The following GRID2 variants were observed in gnomAD, a reference collection of about 807,000 sequenced individuals.
GRID2 encodes the protein glutamate ionotropic receptor delta type subunit 2.
Under a neutral mutation model 114.8 loss-of-function variants are expected in GRID2, and 33 were observed. That is an observed-to-expected ratio of 0.29 (90% CI 0.22 to 0.38). The LOEUF is 0.38. Ranked by LOEUF, GRID2 falls within the 10% of genes least tolerant of loss-of-function variation. The probability of loss-of-function intolerance (pLI) is 1.00; values close to 1 mark genes in which losing one functional copy is unlikely to be tolerated. For missense variants in GRID2, 1,184 were observed against 1,257.7 expected (o/e 0.94, Z 0.89); for synonymous variants, 505 against 449.9 (o/e 1.12, Z -1.55).
chr4:92,407,245 A>G (rs1421146516), intron 1 of GRID2, among the ~76,000 whole-genome samples: 1 of 152,138 alleles, frequency 6.6e-6, no homozygotes, highest in Non-Finnish European at 1.5e-5. Context: ...TCAAGGTGAT[A>G]TTTGGATGGG....
chr4:93,157,254 G>A (rs781595470), intron 4 of GRID2, among the ~76,000 whole-genome samples: 3 of 151,638 alleles, frequency 2.0e-5, no homozygotes, highest in Non-Finnish European at 4.4e-5. Context: ...CCCTGAAAAT[G>A]TAGGCTCCCC....
At chr4:92,917,163 G>A (rs1748876868) in intron 2 of GRID2, among the ~76,000 whole-genome samples, 1 of 152,152 alleles carries the variant, frequency 6.6e-6, no homozygotes, top group Non-Finnish European at 1.5e-5. Flanking sequence ...GTCTTCTTTT[G>A]AGAAGTGTCT....
chr4:92,724,448 CTA>C (rs939409367), intron 2 of GRID2, among the ~76,000 whole-genome samples: 1 of 152,124 alleles, frequency 6.6e-6, no homozygotes, highest in African/African-American at 2.4e-5. Flanking sequence ...CATTTTAAAA[CTA>C]TTTTTAAAAA....
chr4:92,533,724 CT>C (rs1422516025), intron 1 of GRID2, among the ~76,000 whole-genome samples: 7 of 151,976 alleles, frequency 4.6e-5, no homozygotes, highest in African/African-American at 1.7e-4. Flanking sequence ...GTAGTGTTGC[CT>C]TTTAGGGAAA....
intron 2 of GRID2, among the ~76,000 whole-genome samples, chr4:92,809,048 C>T (rs1740547492): frequency 6.6e-6 from 1 of 151,736 alleles, no homozygotes. Flanking sequence ...GGAAATAGGT[C>T]CATGATTTGA....
intron 2 of GRID2, among the ~76,000 whole-genome samples, chr4:93,038,528 C>T (rs942984558): frequency 5.9e-5 from 9 of 152,028 alleles, no homozygotes; most frequent in African/African-American, 1.4e-4. Flanking sequence ...TGGTGGCTCA[C>T]GCCTGTAATC....
rs574951459 is a variant in GRID2, at chr4:93,061,856, C to A, written c.245-23139C>A. On this transcript the variant is annotated intron_variant, in intron 2 of 15. Transcript: ENST00000282020. ...CATTGAGGTAGACACTACCTGACAG[C>A]TTCTATTCTCCAGTCAAGTGCTTTC... is the stretch of plus-strand genomic sequence containing the variant. 2.6e-5 allele frequency among the ~76,000 whole-genome samples: 4 copies of A among 152,226 alleles called. 1 individual carries two copies. In the South Asian group the frequency reaches 8.3e-4, roughly 32 times the overall value.
intron 11 of GRID2, among the ~76,000 whole-genome samples, chr4:93,485,649 A>G (rs774247900): frequency 5.9e-5 from 9 of 151,770 alleles, no homozygotes; most frequent in Non-Finnish European, 1.3e-4. Context: ...TCTCTATAGT[A>G]CATACTTTAG....
chr4:92,315,993 C>CAAAAAAAAAAAAAAAAAAAAAGAAA (rs1725955898), intron 1 of GRID2, among the ~76,000 whole-genome samples: 3 of 61,896 alleles, frequency 4.8e-5, no homozygotes, highest in African/African-American at 1.8e-4. Context: ...AAACAAAAAG[C>CAAAAAAAAAAAAAAAAAAAAAGAAA]AAAAAAAAAA....
intron 1 of GRID2, among the ~76,000 whole-genome samples, chr4:92,543,898 G>A (rs947452796): frequency 1.3e-5 from 2 of 152,138 alleles, no homozygotes; most frequent in Admixed American, 6.6e-5. Flanking sequence ...TTAACATAGT[G>A]CTTACAGAGT....
At chr4:93,203,376 T>G (rs967124987) in intron 4 of GRID2, among the ~76,000 whole-genome samples, 1 of 152,302 alleles carries the variant, frequency 6.6e-6, no homozygotes, top group Admixed American at 6.5e-5. Flanking sequence ...TAGTTGTGTA[T>G]ATTACATATA....
intron 2 of GRID2, among the ~76,000 whole-genome samples, chr4:92,654,753 A>T (rs564384947): frequency 4.0e-5 from 6 of 148,654 alleles, no homozygotes; most frequent in South Asian, 4.8e-4. Flanking sequence ...ATGGAATTTT[A>T]AAAAAAAATT....
At chr4:92,520,376 A>T (rs1316967607) in intron 1 of GRID2, among the ~76,000 whole-genome samples, 6 of 63,042 alleles carry the variant, frequency 9.5e-5, no homozygotes, top group Non-Finnish European at 1.6e-4. Context: ...ACATATTGAT[A>T]AAAAAAAACA....
intron 14 of GRID2, among the ~76,000 whole-genome samples, chr4:93,765,366 T>A (rs1395081718): frequency 2.0e-5 from 3 of 151,900 alleles, no homozygotes; most frequent in Non-Finnish European, 4.4e-5. Context: ...TCTCTGTACA[T>A]CCCCAAAGAT....
At chr4:93,093,238 C>T (rs1252969083) in intron 3 of GRID2, among the ~76,000 whole-genome samples, 2 of 152,002 alleles carry the variant, frequency 1.3e-5, no homozygotes, top group Admixed American at 6.6e-5. Context: ...ATCAGGCTTT[C>T]GGTTTCAGTT....
chr4:92,871,456 T>C (rs1745273599), intron 2 of GRID2, among the ~76,000 whole-genome samples: 1 of 152,178 alleles, frequency 6.6e-6, no homozygotes, highest in African/African-American at 2.4e-5. Flanking sequence ...ATTATTCTAT[T>C]AAATACAGTT....
chr4:93,489,784 G>T (rs62310110), intron 11 of GRID2, among the ~76,000 whole-genome samples: 7 of 151,906 alleles, frequency 4.6e-5, no homozygotes, highest in Admixed American at 3.3e-4. Flanking sequence ...CCCTGACATG[G>T]TGTGGACTGG....
intron 4 of GRID2, among the ~76,000 whole-genome samples, chr4:93,201,206 C>CT (rs1156465629): frequency 6.6e-6 from 1 of 151,968 alleles, no homozygotes. Context: ...TCATGTTAAC[C>CT]TGTTTAAAGC....
intron 1 of GRID2, among the ~76,000 whole-genome samples, chr4:92,312,660 T>C (rs542193984): frequency 6.6e-6 from 1 of 152,214 alleles, no homozygotes; most frequent in South Asian, 2.1e-4. Flanking sequence ...AGAGTTTAAA[T>C]TGGAAGTTTA....
Sources: allele counts gnomAD v4.1 joint callset (sites outside exome capture counted in the v4.1 genomes callset), GRCh38; gene constraint gnomAD v4.1.1; transcripts MANE v1.5; gene names NCBI Gene and HGNC (gene_info 2026-07-23, HGNC 2026-07-21).